PTPRT: variants seen among roughly 807,000 people sequenced by gnomAD.
The protein encoded by PTPRT is protein tyrosine phosphatase receptor type T.
Under a neutral mutation model 176.8 loss-of-function variants are expected in PTPRT, and 56 were observed. The observed-to-expected ratio is 0.32, with a 90% CI of 0.26 to 0.40. The LOEUF (loss-of-function observed/expected upper bound fraction) is 0.40, where lower values mean the gene tolerates loss of function less well. Ranked by LOEUF, PTPRT falls within the 10% of genes least tolerant of loss-of-function variation. PTPRT has a pLI of 1.00. For synonymous variants in PTPRT, 783 were observed against 739.0 expected, an observed-to-expected ratio of 1.06 and a Z score of -0.96; for missense variants, 1,540 against 1,908.2, an observed-to-expected ratio of 0.81 and a Z score of 3.60.
chr20:42,973,457 TTG>T (rs58775017), intron 1 of PTPRT, among the ~76,000 whole-genome samples: 5 of 151,198 alleles, frequency 3.3e-5, no homozygotes, highest in East Asian at 3.9e-4. Flanking sequence ...CTGTGTGTGT[TTG>T]TGTGTGTGTG....
downstream of PTPRT, among the ~76,000 whole-genome samples, chr20:42,071,056 CA>C (rs1982308313): frequency 6.6e-6 from 1 of 152,178 alleles, no homozygotes; most frequent in African/African-American, 2.4e-5. Flanking sequence ...ATGTCATACC[CA>C]AGCTGGGAAT....
intron 16 of PTPRT, among the ~76,000 whole-genome samples, chr20:42,197,135 T>C (rs1282290559): frequency 1.3e-5 from 2 of 151,976 alleles, no homozygotes; most frequent in Admixed American, 1.3e-4. Context: ...ATCCCAGCAC[T>C]TTGGGAGGCC....
rs558106087 is a variant in PTPRT, at chr20:42,640,556, T to C, written c.1153+37310A>G. 5.2e-4 allele frequency among the ~76,000 whole-genome samples: 79 copies of C among 152,118 alleles called. 1 individual carries two copies. The highest frequency in any genetic ancestry group is 1.8e-3 in the African/African-American group (74 of 41,488). ...GGTGTGCATTACCATGCCCAGCTAATTTTTTTATTTTTAGCAGAGATAGGT... is the reference window on the plus strand; with the variant it reads ...GGTGTGCATTACCATGCCCAGCTAACTTTTTTATTTTTAGCAGAGATAGGT... On this transcript the variant is annotated intron_variant, in intron 7 of 30. Transcript: ENST00000373187.
At chr20:42,091,426 C>T (rs981615210) in intron 27 of PTPRT, among the ~76,000 whole-genome samples, 1 of 152,152 alleles carries the variant, frequency 6.6e-6, no homozygotes, top group Non-Finnish European at 1.5e-5. Flanking sequence ...TTGGAATAAA[C>T]ATTTTTAGAG....
chr20:42,736,744 G>A (rs6072850), intron 6 of PTPRT, among the ~76,000 whole-genome samples: 1 of 152,064 alleles, frequency 6.6e-6, no homozygotes. Context: ...GTGGGCAATA[G>A]GGCCTTGGCA....
intron 7 of PTPRT, among the ~76,000 whole-genome samples, chr20:42,645,207 C>T (rs941577077): frequency 6.6e-6 from 1 of 152,152 alleles, no homozygotes; most frequent in Non-Finnish European, 1.5e-5. Flanking sequence ...CTGGAGGTCA[C>T]AGGCAGCCTG....
intron 26 of PTPRT, among the ~76,000 whole-genome samples, chr20:42,100,094 G>C (rs893908349): frequency 5.9e-5 from 9 of 152,192 alleles, no homozygotes; most frequent in Non-Finnish European, 1.3e-4. Flanking sequence ...CAGAAAATGG[G>C]GATGAGAATA....
At chr20:42,919,308 G>GA (rs1978995598) in intron 1 of PTPRT, among the ~76,000 whole-genome samples, 1 of 152,206 alleles carries the variant, frequency 6.6e-6, no homozygotes, top group Non-Finnish European at 1.5e-5. Flanking sequence ...TCCTCTTCTT[G>GA]AAGCTTTGCT....
Position 42,106,836 on chromosome 20 carries a change from T to C in PTPRT, c.3340A>G (p.Asn1114Asp). 1 of 1,614,108 alleles carries C rather than the reference T, an allele frequency of 6.2e-7. No homozygotes were observed. Among genetic ancestry groups the C allele is most frequent in the Non-Finnish European group, 8.5e-7 (1 of 1,180,018 alleles). ...AENEGVVDIF[N>D]CVRELRAQRV... The stretch of plus-strand genomic sequence containing the variant: ...TGGGCCCGGAGCTCACGCACGCAGT[T>C]GAAGATGTCCACCACCCCTTCATTC... The change falls in exon 24 of 31, where the codon AAC becomes GAC. Residue 1114 changes from asparagine (N) to aspartate (D), a missense_variant. Around this residue, in one of 11 missense-constraint regions of PTPRT, gnomAD observed 248 missense variants for 356.7 expected, o/e 0.70. Coordinates refer to ENST00000373187, the MANE Select transcript of PTPRT (RefSeq NM_007050.6).
intron 8 of PTPRT, among the ~76,000 whole-genome samples, chr20:42,450,504 A>G (rs1400760545): frequency 6.6e-6 from 1 of 152,192 alleles, no homozygotes; most frequent in Non-Finnish European, 1.5e-5. Flanking sequence ...CAAATTATCT[A>G]TACCTTGTGC....
At position 42,259,125 on chromosome 20, in the gene PTPRT, T is replaced by C. The variant is rs79932257; in HGVS notation, c.2177-10303A>G. Among the ~76,000 whole-genome samples the C allele has an allele frequency of 1.3e-3, 197 of 152,340 alleles. 1 individual carries two copies. The highest frequency in any genetic ancestry group is 0.01 in the East Asian group (53 of 5,186). Reference sequence around the variant, plus strand: ...GCACTCAGGCCACTCAAATAAATTGTTCCTCAAGTGCTGATTTTGCTTGGT... The same window carrying C: ...GCACTCAGGCCACTCAAATAAATTGCTCCTCAAGTGCTGATTTTGCTTGGT... On this transcript the variant is annotated intron_variant, in intron 13 of 30. Transcript: ENST00000373187.
At chr20:42,901,528 T>G (rs1183076672) in intron 1 of PTPRT, among the ~76,000 whole-genome samples, 1 of 152,184 alleles carries the variant, frequency 6.6e-6, no homozygotes, top group African/African-American at 2.4e-5. Context: ...CGCAATCCCA[T>G]ACCTGTCTCT....
intron 2 of PTPRT, among the ~76,000 whole-genome samples, chr20:42,833,412 AAAAT>A (rs530414497): frequency 1.3e-5 from 2 of 151,650 alleles, no homozygotes; most frequent in African/African-American, 4.8e-5. Flanking sequence ...CATCTCTGAA[AAAAT>A]AAATAAATAA....
chr20:42,463,104 C>A (rs757375123), intron 8 of PTPRT, among the ~76,000 whole-genome samples: 34 of 152,136 alleles, frequency 2.2e-4, no homozygotes, highest in Non-Finnish European at 4.1e-4. Flanking sequence ...GCTCTTTCCA[C>A]CCACCACATT....
chr20:43,035,450 A>G (rs1986339213), intron 1 of PTPRT, among the ~76,000 whole-genome samples: 1 of 152,164 alleles, frequency 6.6e-6, no homozygotes, highest in African/African-American at 2.4e-5. Context: ...CACAAAAGAC[A>G]ATAAAACTTT....
chr20:42,212,657 C>T lies in PTPRT; in HGVS notation c.2343-13269G>A, dbSNP rs921305816. Among the ~76,000 whole-genome samples the T allele has an allele frequency of 4.6e-5, 7 of 152,068 alleles. 1 individual carries two copies. Among genetic ancestry groups the T allele is most frequent in the African/African-American group, 1.2e-4 (5 of 41,412 alleles). On this transcript the variant is annotated intron_variant, in intron 15 of 30. Transcript: ENST00000373187. ...CCAGTTTCCTCCTGCCTGTAAAACA[C>T]GGATTAGAGTAGTACTTCCCCCGTC...
At chr20:43,002,057 G>A (rs1409469986) in intron 1 of PTPRT, among the ~76,000 whole-genome samples, 1 of 152,140 alleles carries the variant, frequency 6.6e-6, no homozygotes, top group South Asian at 2.1e-4. Context: ...CGCGGTTCTC[G>A]TGATAGTGAG....
At chr20:43,060,349 C>T (rs1016224873) in intron 1 of PTPRT, among the ~76,000 whole-genome samples, 1 of 152,160 alleles carries the variant, frequency 6.6e-6, no homozygotes, top group African/African-American at 2.4e-5. Context: ...TTGCTGTTTC[C>T]TCACATGGTG....
chr20:42,531,711 C>T (rs866117592), intron 7 of PTPRT, among the ~76,000 whole-genome samples: 11 of 152,152 alleles, frequency 7.2e-5, no homozygotes, highest in South Asian at 6.2e-4. Context: ...CCCAGTGCTC[C>T]GGGAAGTACC....
Sources: allele counts gnomAD v4.1 joint callset (sites outside exome capture counted in the v4.1 genomes callset), GRCh38; gene constraint gnomAD v4.1.1; regional missense constraint gnomAD v4.1.1; transcripts MANE v1.5; gene names NCBI Gene and HGNC (gene_info 2026-07-23, HGNC 2026-07-21).